Variants in SPATA16 observed in about 807,000 individuals in gnomAD.
SPATA16 encodes the protein spermatogenesis associated 16.
Under a neutral mutation model 63.3 loss-of-function variants are expected in SPATA16, and 36 were observed. The observed-to-expected ratio is 0.57, with a 90% CI of 0.44 to 0.75. SPATA16 has a LOEUF of 0.75. Among genes scored for constraint, SPATA16 ranks in the 30% least tolerant of loss-of-function variants. The pLI, the probability that SPATA16 is intolerant of heterozygous loss-of-function variation, is 0.00. For synonymous variants in SPATA16, 203 were observed against 216.7 expected, an observed-to-expected ratio of 0.94 and a Z score of 0.56; for missense variants, 646 against 679.3, an observed-to-expected ratio of 0.95 and a Z score of 0.54.
At chr3:172,975,761 T>A (rs1029871189) in intron 5 of SPATA16, among the ~76,000 whole-genome samples, 1 of 152,108 alleles carries the variant, frequency 6.6e-6, no homozygotes, top group Non-Finnish European at 1.5e-5. Context: ...GTGACTAATT[T>A]AAATTTTTTT....
At chr3:173,053,747 C>A (rs992494362) in intron 2 of SPATA16, among the ~76,000 whole-genome samples, 10 of 151,916 alleles carry the variant, frequency 6.6e-5, no homozygotes, top group Non-Finnish European at 1.3e-4. Flanking sequence ...TGATCCCTGA[C>A]AATTTAGAAG....
Position 173,117,529 on chromosome 3 carries a change from C to A in SPATA16, c.203G>T (p.Gly68Val). The part of the protein sequence containing the change: ...ITLERTKMTK[G>V]IKEKQSNDLE... Reference sequence around the variant, plus strand: ...ATCATTGCTTTGTTTTTCTTTGATGCCCTTTGTCATTTTTGTTCTTTCAAG... The same window carrying A: ...ATCATTGCTTTGTTTTTCTTTGATGACCTTTGTCATTTTTGTTCTTTCAAG... Residue 68 changes from glycine (G) to valine (V), a missense_variant, in exon 2 of 11, where the codon GGC becomes GTC. Transcript: ENST00000351008. 1 of 1,614,026 alleles carries A rather than the reference C, an allele frequency of 6.2e-7. No individual in the cohort carries two copies. Among genetic ancestry groups the A allele is most frequent in the South Asian group, 1.1e-5 (1 of 91,068 alleles).
At chr3:173,079,370 T>A (rs1339165057) in intron 2 of SPATA16, among the ~76,000 whole-genome samples, 1 of 152,066 alleles carries the variant, frequency 6.6e-6, no homozygotes, top group African/African-American at 2.4e-5. Context: ...TTAAAATAAG[T>A]GAAAAAATTA....
chr3:172,948,664 C>T (rs1250093840), intron 6 of SPATA16, among the ~76,000 whole-genome samples: 1 of 151,772 alleles, frequency 6.6e-6, no homozygotes, highest in Admixed American at 6.6e-5. Flanking sequence ...ATGGGGGTCT[C>T]GCTATGTTGT....
chr3:173,077,563 G>A (rs2108311452), intron 2 of SPATA16, among the ~76,000 whole-genome samples: 1 of 152,308 alleles, frequency 6.6e-6, no homozygotes, highest in East Asian at 1.9e-4. Flanking sequence ...AGAGCCGGTG[G>A]TGAGATATAA....
At chr3:172,965,938 GAAGACTTTATATTTTAAA>G (rs1005622824) in intron 5 of SPATA16, among the ~76,000 whole-genome samples, 1 of 152,088 alleles carries the variant, frequency 6.6e-6, no homozygotes, top group Non-Finnish European at 1.5e-5. Flanking sequence ...GCCTCTCCCA[GAAGACTTTATATTTTAAA>G]AAGAACAGAT....
chr3:172,901,259 G>A (rs767654069), intron 10 of SPATA16, among the ~76,000 whole-genome samples: 17 of 152,028 alleles, frequency 1.1e-4, no homozygotes, highest in Non-Finnish European at 2.2e-4. Flanking sequence ...GAGTGCAATC[G>A]CATGATCTCG....
chr3:173,074,992 C>CAAAAAAAAAAAAAAAAA (rs35683679), intron 2 of SPATA16, among the ~76,000 whole-genome samples: 4 of 66,836 alleles, frequency 6.0e-5, no homozygotes, highest in African/African-American at 1.7e-4. Context: ...GACTCTATCT[C>CAAAAAAAAAAAAAAAAA]AAAAAAAAAA....
intron 8 of SPATA16, among the ~76,000 whole-genome samples, chr3:172,922,251 T>C (rs1732629462): frequency 6.6e-6 from 1 of 152,222 alleles, no homozygotes; most frequent in Admixed American, 6.5e-5. Context: ...TCATTAAAAC[T>C]CTTTGAAACA....
intron 2 of SPATA16, among the ~76,000 whole-genome samples, chr3:173,086,066 G>A (rs34537923): frequency 0.16 from 24,237 of 151,986 alleles, 2,106 homozygotes; most frequent in South Asian, 0.29. Flanking sequence ...AGTTAGGAAG[G>A]AGTCCCTCCT....
intron 1 of SPATA16, among the ~76,000 whole-genome samples, chr3:173,120,726 T>A (rs947400308): frequency 1.3e-5 from 2 of 152,148 alleles, no homozygotes; most frequent in African/African-American, 4.8e-5. Context: ...TTTCCCTCCA[T>A]CCCATGCTCC....
At chr3:173,012,850 A>AC in intron 4 of SPATA16, among the ~76,000 whole-genome samples, 1 of 152,332 alleles carries the variant, frequency 6.6e-6, no homozygotes, top group East Asian at 1.9e-4. Flanking sequence ...GGATATACCT[A>AC]CCATTCTAGA....
chr3:172,987,020 G>A (rs1164532598), intron 4 of SPATA16, among the ~76,000 whole-genome samples: 1 of 152,162 alleles, frequency 6.6e-6, no homozygotes, highest in Non-Finnish European at 1.5e-5. Flanking sequence ...GTGTGATTTA[G>A]TCTCAGACTA....
intron 7 of SPATA16, 74 bp downstream of exon 7, chr3:172,925,272 C>T (rs769007523): frequency 1.3e-5 from 20 of 1,552,506 alleles, no homozygotes; most frequent in East Asian, 6.8e-5. Context: ...TTAATTTTAA[C>T]TCAAACATTT....
intron 3 of SPATA16, among the ~76,000 whole-genome samples, chr3:173,040,441 GTC>G (rs1251309602): frequency 6.6e-6 from 1 of 152,116 alleles, no homozygotes; most frequent in Non-Finnish European, 1.5e-5. Context: ...TTTTAGTAGA[GTC>G]TCGTGATTTA....
intron 4 of SPATA16, among the ~76,000 whole-genome samples, chr3:172,998,470 TC>T (rs926514817): frequency 2.6e-5 from 4 of 152,124 alleles, no homozygotes; most frequent in Non-Finnish European, 1.5e-5. Context: ...TCATTGATAA[TC>T]ATGTCATTGG....
At chr3:173,136,325 A>G (rs1738545382) in intron 1 of SPATA16, among the ~76,000 whole-genome samples, 1 of 152,050 alleles carries the variant, frequency 6.6e-6, no homozygotes, top group East Asian at 1.9e-4. Context: ...TTTTACTTTT[A>G]TTTTTATGCT....
In SPATA16 at chr3:173,048,811, T is replaced by C; in HGVS notation, c.758+138A>G. 12 of 1,113,228 alleles carry C rather than the reference T, an allele frequency of 1.1e-5. No individual in the cohort carries two copies. In the South Asian group the frequency reaches 1.7e-4, roughly 16 times the overall value. 69.0% of individuals were successfully genotyped at this position (1,113,228 alleles called of 1,614,324 possible). A position where few individuals can be genotyped will look rare whatever the true frequency, so the allele number is the denominator to read the frequency against. ...TTGTGGTCTCCATGATTGCCTCACT[T>C]GACATAAAACAAGCAGTAAATAAAT... On this transcript the variant is annotated intron_variant, in intron 3 of 10. Coordinates refer to ENST00000351008, the MANE Select transcript of SPATA16 (RefSeq NM_031955.6).
At chr3:173,103,269 T>C (rs1231358809) in intron 2 of SPATA16, among the ~76,000 whole-genome samples, 3 of 152,132 alleles carry the variant, frequency 2.0e-5, no homozygotes, top group Admixed American at 1.3e-4. Context: ...GTGGCCCCCT[T>C]TCCATAGCTC....
Sources: gnomAD v4.1 joint callset for allele counts (sites outside exome capture counted in the v4.1 genomes callset) on GRCh38, gnomAD v4.1.1 for gene constraint, MANE v1.5 for transcripts, NCBI Gene and HGNC (gene_info 2026-07-23, HGNC 2026-07-21) for gene names.